Variants in ROR1 observed in about 807,000 individuals in gnomAD.
The protein encoded by ROR1 is inactive tyrosine-protein kinase transmembrane receptor ROR1.
In ROR1, 19 loss-of-function variants were observed where a neutral mutation model predicts 78.8. That is an observed-to-expected ratio of 0.24 (90% CI 0.17 to 0.35). The LOEUF is 0.35. Ranked by LOEUF, ROR1 falls within the 10% of genes least tolerant of loss-of-function variation. ROR1 has a pLI of 1.00. For synonymous variants in ROR1, 386 were observed against 433.6 expected (o/e 0.89, Z 1.36); for missense variants, 917 against 1,177.8 (o/e 0.78, Z 3.24).
At chr1:63,967,934 A>G (rs1464137779) in intron 1 of ROR1, among the ~76,000 whole-genome samples, 1 of 152,168 alleles carries the variant, frequency 6.6e-6, no homozygotes, top group African/African-American at 2.4e-5. Context: ...CATGTTTTTT[A>G]TCCTGGAAAG....
intron 1 of ROR1, among the ~76,000 whole-genome samples, chr1:63,841,820 A>G (rs887653823): frequency 1.3e-5 from 2 of 152,190 alleles, no homozygotes; most frequent in Non-Finnish European, 2.9e-5. Flanking sequence ...AGAGGATTTT[A>G]TCCAATATCA....
intron 1 of ROR1, among the ~76,000 whole-genome samples, chr1:63,883,742 C>T (rs1017853549): frequency 1.3e-5 from 2 of 152,164 alleles, no homozygotes; most frequent in Non-Finnish European, 2.9e-5. Flanking sequence ...AGCTTGAGTT[C>T]TGAGTCTGAT....
chr1:64,000,869 G>GATCACATATTTACCTCTT (rs529897773), intron 1 of ROR1, among the ~76,000 whole-genome samples: 8 of 152,278 alleles, frequency 5.3e-5, no homozygotes, highest in African/African-American at 9.6e-5. Context: ...TTGTACCTCT[G>GATCACATATTTACCTCTT]ATCACATATT....
At chr1:63,971,610 C>T (rs894421123) in intron 1 of ROR1, among the ~76,000 whole-genome samples, 5 of 152,100 alleles carry the variant, frequency 3.3e-5, no homozygotes, top group Admixed American at 2.6e-4. Context: ...TGCAAAACCC[C>T]ACTTGAAAGG....
Position 63,801,237 on chromosome 1 carries a change from T to G in ROR1, c.91+26729T>G, listed in dbSNP as rs575642209. On this transcript the variant is annotated intron_variant, in intron 1 of 8. Transcript: ENST00000371079. ...CTTTTGACCTCTTGTTTTAACCTGTTTTTGAATCTTCTACTCATAACATGG... is the reference window on the plus strand; with the variant it reads ...CTTTTGACCTCTTGTTTTAACCTGTGTTTGAATCTTCTACTCATAACATGG... Among the ~76,000 whole-genome samples the G allele has an allele frequency of 1.4e-4, 22 of 152,312 alleles. No individual in the cohort carries two copies. The South Asian group carries it at 4.4e-3, about 30-fold the overall frequency.
chr1:63,972,284 T>G (rs971276718), intron 1 of ROR1, among the ~76,000 whole-genome samples: 4 of 152,168 alleles, frequency 2.6e-5, no homozygotes, highest in Admixed American at 6.5e-5. Flanking sequence ...ATCCTCACTT[T>G]TCCGATGAGG....
chr1:63,944,720 A>T (rs1003386499), intron 1 of ROR1, among the ~76,000 whole-genome samples: 2 of 152,154 alleles, frequency 1.3e-5, no homozygotes, highest in African/African-American at 4.8e-5. Flanking sequence ...AGTGTGGTTC[A>T]TGGGATGAGG....
At chr1:63,819,948 T>C (rs1440858802) in intron 1 of ROR1, among the ~76,000 whole-genome samples, 2 of 152,162 alleles carry the variant, frequency 1.3e-5, no homozygotes, top group African/African-American at 4.8e-5. Flanking sequence ...AGGATTTGGA[T>C]GCGTAAAATG....
intron 7 of ROR1, among the ~76,000 whole-genome samples, chr1:64,153,413 A>G (rs926892416): frequency 6.6e-6 from 1 of 152,236 alleles, no homozygotes; most frequent in Non-Finnish European, 1.5e-5. Context: ...TATTTAATCC[A>G]AAAGAATTGA....
chr1:63,790,347 C>T (rs659406), intron 1 of ROR1, among the ~76,000 whole-genome samples: 49,180 of 151,976 alleles, frequency 0.32, 10,208 homozygotes, highest in African/African-American at 0.6. Flanking sequence ...AATTTAAAAA[C>T]GCGTCTTCGA....
intron 1 of ROR1, among the ~76,000 whole-genome samples, chr1:63,852,065 T>A (rs773057322): frequency 2.0e-5 from 3 of 152,248 alleles, no homozygotes; most frequent in Non-Finnish European, 4.4e-5. Context: ...ATATGACAAA[T>A]CCTTCAGAGT....
chr1:64,131,350 C>A (rs1478441996), intron 4 of ROR1, among the ~76,000 whole-genome samples: 1 of 152,100 alleles, frequency 6.6e-6, no homozygotes, highest in African/African-American at 2.4e-5. Context: ...CTGTCCCCGG[C>A]ATTCCATTTG....
At chr1:63,865,126 T>C (rs1365186248) in intron 1 of ROR1, among the ~76,000 whole-genome samples, 2 of 152,224 alleles carry the variant, frequency 1.3e-5, no homozygotes, top group Non-Finnish European at 2.9e-5. Context: ...TTTAGCTTCA[T>C]AGAAATTGAG....
chr1:63,853,282 CTACATATACCCTAGTAAG>C (rs1035014728), intron 1 of ROR1, among the ~76,000 whole-genome samples: 36 of 152,186 alleles, frequency 2.4e-4, no homozygotes, highest in African/African-American at 8.4e-4. Flanking sequence ...TGAGAACACA[CTACATATACCCTAGTAAG>C]TACTATTGTT....
intron 1 of ROR1, among the ~76,000 whole-genome samples, chr1:63,951,166 G>A (rs1017292657): frequency 1.3e-5 from 2 of 152,144 alleles, no homozygotes; most frequent in Non-Finnish European, 2.9e-5. Flanking sequence ...TCACCTCAGA[G>A]GTCACAGAGA....
intron 4 of ROR1, among the ~76,000 whole-genome samples, chr1:64,125,991 C>T (rs1285545134): frequency 6.6e-6 from 1 of 152,092 alleles, no homozygotes; most frequent in East Asian, 1.9e-4. Flanking sequence ...GAACAGACTT[C>T]TCAACAAATA....
At position 63,985,086 on chromosome 1, in the gene ROR1, C is replaced by T. The variant is rs573735055; in HGVS notation, c.92-24219C>T. 2.4e-4 allele frequency among the ~76,000 whole-genome samples: 37 copies of T among 152,208 alleles called. No homozygotes were observed. The South Asian group carries it at 7.5e-3, about 31-fold the overall frequency. On this transcript the variant is annotated intron_variant, in intron 1 of 8. Coordinates refer to ENST00000371079, the MANE Select transcript of ROR1 (RefSeq NM_005012.4). ...TGTGTTGAACTCTGGACTAATTGCT[C>T]TAAGCTGTTAAATTTTTTGAGTCCC...
At chr1:63,780,198 GA>G (rs1409024522) in intron 1 of ROR1, among the ~76,000 whole-genome samples, 1 of 150,628 alleles carries the variant, frequency 6.6e-6, no homozygotes, top group Non-Finnish European at 1.5e-5. Context: ...GAGAGAGGGG[GA>G]CTAAAAAAAA....
At chr1:63,795,981 C>T (rs1265934033) in intron 1 of ROR1, among the ~76,000 whole-genome samples, 1 of 152,084 alleles carries the variant, frequency 6.6e-6, no homozygotes, top group African/African-American at 2.4e-5. Flanking sequence ...CATTAAAACC[C>T]CCATCAGACT....
Sources: gnomAD v4.1 joint callset for allele counts (sites outside exome capture counted in the v4.1 genomes callset) on GRCh38, gnomAD v4.1.1 for gene constraint, MANE v1.5 for transcripts, NCBI Gene and HGNC (gene_info 2026-07-23, HGNC 2026-07-21) for gene names.